The following IGSF10 variants were observed in gnomAD, a reference collection of about 807,000 sequenced individuals.
The protein encoded by IGSF10 is immunoglobulin superfamily member 10.
Under a neutral mutation model 128.2 loss-of-function variants are expected in IGSF10, and 126 were observed. The ratio of observed to expected loss-of-function variants is 0.98; its 90% CI spans 0.85 to 1.14. The LOEUF is 1.14. Ranked by LOEUF, IGSF10 falls within the 50% of genes most tolerant of loss-of-function variation. The pLI is 0.00. For missense variants in IGSF10, 3,295 were observed against 3,149.8 expected (o/e 1.05, Z -1.10); for synonymous variants, 1,185 against 1,146.2 (o/e 1.03, Z -0.68).
At chr3:151,575,573 C>T in the IGSF10 span, among the ~76,000 whole-genome samples, 6 of 152,200 alleles carry the variant, frequency 3.9e-5, no homozygotes, top group Admixed American at 2.0e-4. Context: ...TTGCTAAGAC[C>T]ATTGGAAAAG....
Position 151,453,761 on chromosome 3 carries a change from CT to C in IGSF10, c.337del (p.Ser113AlafsTer19). ...DLQALQVLKMSYNKVRKLQKD... is the reference protein window; with the variant it reads ...DLQALQVLKMXYNKVRKLQKD... ...CTGAAGTTTTCGGACTTTATTATAGCTCATTTTTAAGACCTATGAATTAAAA... is the reference window on the plus strand; with the variant it reads ...CTGAAGTTTTCGGACTTTATTATAGCCATTTTTAAGACCTATGAATTAAAA... On this transcript the variant is annotated frameshift_variant, in exon 5 of 8. Transcript: ENST00000282466. LOFTEE classifies it high-confidence loss of function. 6.5e-7 allele frequency: 1 copy of C among 1,538,760 alleles called. No individual in the cohort carries two copies. The highest frequency in any genetic ancestry group is 1.7e-4 in the Middle Eastern group (1 of 5,756).
At chr3:151,502,511 G>A in the IGSF10 span, among the ~76,000 whole-genome samples, 1 of 151,958 alleles carries the variant, frequency 6.6e-6, no homozygotes, top group Non-Finnish European at 1.5e-5. Flanking sequence ...CATAGATTTT[G>A]CCACAGCTGC....
chr3:151,594,737 A>G, the IGSF10 span, among the ~76,000 whole-genome samples: 7 of 152,000 alleles, frequency 4.6e-5, no homozygotes, highest in African/African-American at 1.7e-4. Flanking sequence ...GTTAACAACA[A>G]TATATTGAAT....
chr3:151,608,208 TA>T, the IGSF10 span, among the ~76,000 whole-genome samples: 1 of 152,182 alleles, frequency 6.6e-6, no homozygotes, highest in African/African-American at 2.4e-5. Context: ...AGCATATCTG[TA>T]AAAAGGTTTC....
chr3:151,501,217 C>G, the IGSF10 span, among the ~76,000 whole-genome samples: 49 of 151,876 alleles, frequency 3.2e-4, no homozygotes, highest in Non-Finnish European at 6.2e-4. Context: ...TTTTATTTTT[C>G]TTTTTAAGTT....
chr3:151,563,179 T>A, the IGSF10 span, among the ~76,000 whole-genome samples: 97,003 of 151,660 alleles, frequency 0.64, 31,133 homozygotes, highest in Middle Eastern at 0.66. Flanking sequence ...CTGCCATATA[T>A]CTTCTCACCC....
chr3:151,544,471 T>C, the IGSF10 span, among the ~76,000 whole-genome samples: 2 of 152,226 alleles, frequency 1.3e-5, no homozygotes, highest in Non-Finnish European at 2.9e-5. Flanking sequence ...TGAAAATATA[T>C]ATCCAGCTTC....
At chr3:151,492,319 C>A in the IGSF10 span, among the ~76,000 whole-genome samples, 3 of 152,002 alleles carry the variant, frequency 2.0e-5, no homozygotes, top group Admixed American at 2.0e-4. Context: ...CATCTCACAC[C>A]CATTAGGATG....
chr3:151,519,208 C>T, the IGSF10 span, among the ~76,000 whole-genome samples: 1 of 151,800 alleles, frequency 6.6e-6, no homozygotes, highest in East Asian at 1.9e-4. Context: ...TCTGTGGAGA[C>T]TATGGCAACT....
At chr3:151,499,004 A>C in the IGSF10 span, among the ~76,000 whole-genome samples, 3 of 152,140 alleles carry the variant, frequency 2.0e-5, no homozygotes. Flanking sequence ...TAAAATTCTT[A>C]ATATGCAAAG....
intron 7 of IGSF10, among the ~76,000 whole-genome samples, chr3:151,441,235 T>C (rs2108536682): frequency 6.6e-6 from 1 of 152,336 alleles, no homozygotes; most frequent in Non-Finnish European, 1.5e-5. Context: ...TTGATGTTTC[T>C]TTTTATAAAC....
the IGSF10 span, among the ~76,000 whole-genome samples, chr3:151,527,494 C>A: frequency 6.6e-6 from 1 of 152,200 alleles, no homozygotes; most frequent in African/African-American, 2.4e-5. Flanking sequence ...ACTTACATAA[C>A]TTTTGTATTA....
chr3:151,576,350 A>T, the IGSF10 span, among the ~76,000 whole-genome samples: 3 of 152,018 alleles, frequency 2.0e-5, no homozygotes, highest in Non-Finnish European at 4.4e-5. Context: ...CTATTTATTT[A>T]TTCACTTATT....
chr3:151,551,208 G>A, the IGSF10 span, among the ~76,000 whole-genome samples: 1 of 152,150 alleles, frequency 6.6e-6, no homozygotes, highest in Admixed American at 6.5e-5. Flanking sequence ...AAACACAGAT[G>A]TTAACTCCCT....
At chr3:151,570,694 C>T in the IGSF10 span, among the ~76,000 whole-genome samples, 10 of 152,204 alleles carry the variant, frequency 6.6e-5, no homozygotes, top group African/African-American at 1.7e-4. Context: ...TGCCTGTTCA[C>T]TCTGATGGCA....
chr3:151,596,722 C>A, the IGSF10 span, among the ~76,000 whole-genome samples: 1,472 of 152,266 alleles, frequency 9.7e-3, 25 homozygotes, highest in African/African-American at 0.034. Flanking sequence ...GGTTTTCTCT[C>A]CCTCACCAGA....
At chr3:151,533,602 C>A in the IGSF10 span, among the ~76,000 whole-genome samples, 3 of 152,066 alleles carry the variant, frequency 2.0e-5, no homozygotes, top group Non-Finnish European at 1.5e-5. Flanking sequence ...TCTAGCCATA[C>A]GCAGAAAGCT....
Position 151,457,016 on chromosome 3 carries a change from T to C in IGSF10, c.324+10A>G. 6.2e-7 allele frequency: 1 copy of C among 1,614,156 alleles called. No homozygotes were observed. Among genetic ancestry groups the C allele is most frequent in the Non-Finnish European group, 8.5e-7 (1 of 1,180,004 alleles). ...CTCTTTAACCTGCCCCCTCTCTCCA[T>C]CAGTCTCACCTGCAAGGCCTGCAAA... is the stretch of plus-strand genomic sequence containing the variant. On this transcript the variant is annotated intron_variant, in intron 4 of 7. Transcript: ENST00000282466.
the IGSF10 span, among the ~76,000 whole-genome samples, chr3:151,509,024 G>C: frequency 2.6e-5 from 4 of 152,004 alleles, no homozygotes; most frequent in African/African-American, 9.7e-5. Flanking sequence ...CTGATGCAGC[G>C]TCTGAAAACT....
Sources: gnomAD v4.1 joint callset for allele counts (sites outside exome capture counted in the v4.1 genomes callset) on GRCh38, gnomAD v4.1.1 for gene constraint, MANE v1.5 for transcripts, NCBI Gene and HGNC (gene_info 2026-07-23, HGNC 2026-07-21) for gene names.